The following GABRG1 variants were observed in gnomAD, a reference collection of about 807,000 sequenced individuals.
GABRG1 encodes the protein gamma-aminobutyric acid receptor subunit gamma-1.
A neutral mutation model predicts 49.8 loss-of-function variants in GABRG1; 49 were observed. That is an observed-to-expected ratio of 0.98 (90% CI 0.78 to 1.25). The LOEUF (loss-of-function observed/expected upper bound fraction) is 1.25, where lower values mean the gene tolerates loss of function less well. Ranked by LOEUF, GABRG1 falls within the 50% of genes most tolerant of loss-of-function variation. The pLI is 0.00. For synonymous variants in GABRG1, 232 were observed against 185.1 expected (o/e 1.25, Z -2.06); for missense variants, 552 against 552.3 (o/e 1.00, Z 0.01).
intron 2 of GABRG1, among the ~76,000 whole-genome samples, chr4:46,095,289 G>A (rs1331822604): frequency 2.6e-5 from 4 of 151,522 alleles, no homozygotes; most frequent in African/African-American, 7.3e-5. Flanking sequence ...CCTATAGTGG[G>A]AATTCGTGAA....
chr4:46,101,054 G>T (rs1720363665), intron 1 of GABRG1, among the ~76,000 whole-genome samples: 1 of 151,586 alleles, frequency 6.6e-6, no homozygotes, highest in South Asian at 2.1e-4. Context: ...TTCATGTCCT[G>T]ATGTTTTTTG....
chr4:46,038,654 T>C lies in GABRG1; in HGVS notation c.*2334A>G, dbSNP rs1181961558. 3 of 151,668 alleles carry C rather than the reference T, an allele frequency of 2.0e-5. No individual in the cohort carries two copies. Among genetic ancestry groups the C allele is most frequent in the African/African-American group, 7.2e-5 (3 of 41,430 alleles). The allele number at this position is 151,668 out of a possible 1,614,324, so 9.4% of individuals were successfully genotyped here. ...TTGAAAAAAAGCTGTATTTGATTTC[T>C]TGAGAAAGAAGTCTAAATGTAGTTT... On this transcript the variant is annotated 3_prime_UTR_variant, in exon 9 of 9. Transcript: ENST00000295452.
intron 1 of GABRG1, among the ~76,000 whole-genome samples, chr4:46,121,143 C>T (rs535631052): frequency 3.3e-4 from 50 of 151,864 alleles, no homozygotes; most frequent in African/African-American, 1.1e-3. Flanking sequence ...GGAAACTAAG[C>T]ATTACAACTG....
rs1421838703 is a variant in GABRG1 at position 46,037,551 on chromosome 4, A to C, written c.*3437T>G. The stretch of plus-strand genomic sequence containing the variant: ...ATGTTTCTAGTGAGACAAGCAGTAA[A>C]GGCTTAAGAGTCTACTGGGTACCTT... On this transcript the variant is annotated 3_prime_UTR_variant, in exon 9 of 9. Transcript: ENST00000295452. 1 of 151,752 alleles carries C rather than the reference A, an allele frequency of 6.6e-6. No homozygotes were observed. Among genetic ancestry groups the C allele is most frequent in the East Asian group, 2.0e-4 (1 of 5,128 alleles). The allele number at this position is 151,752 out of a possible 1,614,324, so 9.4% of individuals were successfully genotyped here. A position where few individuals can be genotyped will look rare whatever the true frequency, so the allele number is the denominator to read the frequency against.
At chr4:46,093,727 A>G (rs1342453497) in intron 2 of GABRG1, among the ~76,000 whole-genome samples, 1 of 152,006 alleles carries the variant, frequency 6.6e-6, no homozygotes, top group South Asian at 2.1e-4. Context: ...TACATCCACT[A>G]TGTATCCATA....
At chr4:46,087,837 C>A (rs767058119) in intron 2 of GABRG1, among the ~76,000 whole-genome samples, 6 of 151,906 alleles carry the variant, frequency 3.9e-5, no homozygotes, top group African/African-American at 1.4e-4. Context: ...CACCACTTGA[C>A]AATCAACCTT....
intron 1 of GABRG1, among the ~76,000 whole-genome samples, chr4:46,111,407 G>C (rs965035638): frequency 6.6e-6 from 1 of 151,018 alleles, no homozygotes; most frequent in African/African-American, 2.4e-5. Context: ...TATTAAAAAG[G>C]CCATATCGGA....
chr4:46,063,620 G>A (rs1718796080), intron 5 of GABRG1, among the ~76,000 whole-genome samples: 2 of 152,066 alleles, frequency 1.3e-5, no homozygotes, highest in African/African-American at 4.8e-5. Context: ...ATAGGCATGG[G>A]CAAGGACTTC....
chr4:46,115,096 T>C (rs1038816940), intron 1 of GABRG1, among the ~76,000 whole-genome samples: 1 of 150,884 alleles, frequency 6.6e-6, no homozygotes, highest in Non-Finnish European at 1.5e-5. Context: ...GTTAAAACCA[T>C]TAAAATTAAG....
intron 1 of GABRG1, among the ~76,000 whole-genome samples, chr4:46,098,203 T>C (rs534870991): frequency 6.6e-6 from 1 of 151,882 alleles, no homozygotes; most frequent in South Asian, 2.1e-4. Flanking sequence ...GACTTCTGAA[T>C]TGTGATAGAA....
chr4:46,123,694 T>G, intron 1 of GABRG1, 116 bp downstream of exon 1: 1 of 677,752 alleles, frequency 1.5e-6, no homozygotes, highest in Non-Finnish European at 2.6e-6. Flanking sequence ...AAATACCACA[T>G]ATGTGTTAGG....
At chr4:46,112,212 A>T (rs1271477276) in intron 1 of GABRG1, among the ~76,000 whole-genome samples, 1 of 151,346 alleles carries the variant, frequency 6.6e-6, no homozygotes, top group African/African-American at 2.4e-5. Context: ...GAAGACATAG[A>T]GGTGGCCAGC....
At chr4:46,089,488 A>G (rs985588974) in intron 2 of GABRG1, among the ~76,000 whole-genome samples, 4 of 152,026 alleles carry the variant, frequency 2.6e-5, no homozygotes, top group African/African-American at 9.7e-5. Flanking sequence ...AACAAGCCAC[A>G]CTACTCCCTT....
chr4:46,047,709 A>G (rs1718057362), intron 8 of GABRG1, among the ~76,000 whole-genome samples: 1 of 151,900 alleles, frequency 6.6e-6, no homozygotes, highest in Non-Finnish European at 1.5e-5. Context: ...TATTTGTTAT[A>G]AAAATAACCT....
chr4:46,111,804 TG>T (rs888708722), intron 1 of GABRG1, among the ~76,000 whole-genome samples: 6 of 151,072 alleles, frequency 4.0e-5, no homozygotes, highest in African/African-American at 1.5e-4. Context: ...AAGACTGAAA[TG>T]GGACCCTTAA....
intron 2 of GABRG1, among the ~76,000 whole-genome samples, chr4:46,087,888 A>G (rs1346036639): frequency 6.6e-6 from 1 of 152,026 alleles, no homozygotes; most frequent in Non-Finnish European, 1.5e-5. Context: ...AAAGGTACAT[A>G]GGGATAAGTA....
Position 46,057,140 on chromosome 4 carries a change from A to T in GABRG1, c.916+1077T>A, listed in dbSNP as rs982061147. ...TCAAATAATTTATACAACTTATAAA[A>T]TAATTTTAAACAATGAAAGGAAACA... On this transcript the variant is annotated intron_variant, in intron 7 of 8. Coordinates refer to ENST00000295452, the MANE Select transcript of GABRG1 (RefSeq NM_173536.4). Among the ~76,000 whole-genome samples the T allele has an allele frequency of 2.0e-5, 3 of 152,124 alleles. No homozygotes were observed. The East Asian group carries it at 5.8e-4, about 29-fold the overall frequency.
Position 46,041,130 on chromosome 4 carries a change from A to G in GABRG1, c.1256T>C (p.Phe419Ser). 8 of 1,613,274 alleles carry G rather than the reference A, an allele frequency of 5.0e-6. No homozygotes were observed. The highest frequency in any genetic ancestry group is 6.8e-6 in the Non-Finnish European group (8 of 1,179,464). ...CCAAGATCCTGTTCTGCAGTCTTCA[A>G]AGCAACAGAAGAAGCTGGCACAATC... is the stretch of plus-strand genomic sequence containing the variant. ...GKDCASFFCCFEDCRTGSWRE... is the reference protein window; with the variant it reads ...GKDCASFFCCSEDCRTGSWRE... Residue 419 changes from phenylalanine to serine, a missense_variant, in exon 9 of 9, where the codon TTT becomes TCT. By Grantham distance (155) the Phe-to-Ser change is radical. Coordinates refer to ENST00000295452, the MANE Select transcript of GABRG1 (RefSeq NM_173536.4).
chr4:46,077,682 C>T (rs1310273789), intron 3 of GABRG1, among the ~76,000 whole-genome samples: 2 of 151,768 alleles, frequency 1.3e-5, no homozygotes, highest in Non-Finnish European at 2.9e-5. Flanking sequence ...ATCTTCCCTG[C>T]TAGGTTTTAT....
Sources: gnomAD v4.1 joint callset for allele counts (sites outside exome capture counted in the v4.1 genomes callset) on GRCh38, gnomAD v4.1.1 for gene constraint, MANE v1.5 for transcripts, NCBI Gene and HGNC (gene_info 2026-07-23, HGNC 2026-07-21) for gene names.